Variants in AAK1 observed in about 807,000 individuals in gnomAD.
The protein encoded by AAK1 is AP2 associated kinase 1, also known as AP2-associated protein kinase 1.
Under a neutral mutation model 116.0 loss-of-function variants are expected in AAK1, and 37 were observed. The observed-to-expected ratio is 0.32, with a 90% CI of 0.25 to 0.42. AAK1 has a LOEUF of 0.42. AAK1 is among the 10% of genes least tolerant of loss of function. AAK1 has a pLI of 1.00. For synonymous variants in AAK1, 458 were observed against 439.9 expected, an observed-to-expected ratio of 1.04 and a Z score of -0.51; for missense variants, 919 against 1,170.6, an observed-to-expected ratio of 0.79 and a Z score of 3.14.
intron 16 of AAK1, chr2:69,500,161 T>A (rs1485843706): frequency 6.6e-6 from 1 of 152,206 alleles, no homozygotes; most frequent in East Asian, 1.9e-4. Flanking sequence ...CTGTAAACAG[T>A]CTGAGTTCAG....
At chr2:69,478,841 A>C in intron 20 of AAK1, 110 bp downstream of exon 20, 21 of 767,566 alleles carry the variant, frequency 2.7e-5, no homozygotes, top group Non-Finnish European at 4.0e-5. Flanking sequence ...ACAAGGAGGT[A>C]GTTTTAAAAC....
chr2:69,596,245 A>C (rs1165689902), intron 2 of AAK1, among the ~76,000 whole-genome samples: 1 of 150,342 alleles, frequency 6.7e-6, no homozygotes, highest in Non-Finnish European at 1.5e-5. Flanking sequence ...TTTTGAGACA[A>C]AGTCTCACTC....
In AAK1 at chr2:69,482,726, A is replaced by C. The variant is rs752834708; in HGVS notation, c.2452T>G (p.Ser818Ala). The C allele has an allele frequency of 6.2e-7, 1 of 1,610,570 alleles. No homozygotes were observed. The highest frequency in any genetic ancestry group is 1.1e-5 in the South Asian group (1 of 91,008). Residue 818 changes from serine (S) to alanine (A), a missense_variant, in exon 18 of 22, where the codon TCT becomes GCT. Ser to Ala is a moderately conservative substitution (Grantham distance 99). Transcript: ENST00000409085. Reference sequence around the variant, plus strand: ...ATGACTTTACCAATTACAGCATCAGAAGTGCTACCAAAAGGATCTGTCATA... The same window carrying C: ...ATGACTTTACCAATTACAGCATCAGCAGTGCTACCAAAAGGATCTGTCATA... ...LPMTDPFGST[S>A]DAVIEKADVA...
Position 69,532,096 on chromosome 2 carries a change from T to C in AAK1, c.601A>G (p.Lys201Glu). The change falls in exon 6 of 22, where the codon AAA (lysine) becomes GAA (glutamate). Residue 201 changes from lysine (K) to glutamate (E), a missense_variant. Transcript: ENST00000409085. ...CCCTCAGTTTGTGGATTCTGGAATT[T>C]GTTGGTGGCGCTTCCAAAGTCACAC... ...VLCDFGSATN[K>E]FQNPQTEGVN... 1 of 1,613,752 alleles carries C rather than the reference T, an allele frequency of 6.2e-7. No individual in the cohort carries two copies. Among genetic ancestry groups the C allele is most frequent in the Non-Finnish European group, 8.5e-7 (1 of 1,179,694 alleles).
intron 16 of AAK1, among the ~76,000 whole-genome samples, chr2:69,498,259 G>A (rs1057174673): frequency 6.6e-6 from 1 of 152,104 alleles, no homozygotes; most frequent in African/African-American, 2.4e-5. Context: ...ACAGGCTTGT[G>A]GAGGAGTCAA....
In AAK1 at chr2:69,500,664, A is replaced by AATATATATATATATAT. The variant is rs34635707; in HGVS notation, c.2270-4600_2270-4585dup. 3.2e-3 allele frequency among the ~76,000 whole-genome samples: 193 copies of AATATATATATATATAT among 60,768 alleles called. 4 individuals carry two copies. Among genetic ancestry groups the AATATATATATATATAT allele is most frequent in the East Asian group, 4.7e-3 (8 of 1,716 alleles). The allele number at this position is 60,768 out of a possible 152,430, so 39.9% of individuals were successfully genotyped here. A position where few individuals can be genotyped will look rare whatever the true frequency, so the allele number is the denominator to read the frequency against. On this transcript the variant is annotated intron_variant, in intron 16 of 21. Transcript: ENST00000409085. ...GTAGCTGTGCCTTTAAGTCCCTTAAAATATATATATATATATATATATATA... is the reference window on the plus strand; with the variant it reads ...GTAGCTGTGCCTTTAAGTCCCTTAAAATATATATATATATATATATATATATATATATATATATATA...
chr2:69,487,842 T>G (rs1201439926), intron 17 of AAK1, among the ~76,000 whole-genome samples: 3 of 147,670 alleles, frequency 2.0e-5, no homozygotes, highest in Non-Finnish European at 3.0e-5. Context: ...CAGGCTGGAG[T>G]GCAATGGCGC....
At chr2:69,634,231 A>AT (rs1370210065) in intron 2 of AAK1, among the ~76,000 whole-genome samples, 2 of 152,218 alleles carry the variant, frequency 1.3e-5, no homozygotes, top group Non-Finnish European at 2.9e-5. Context: ...TACAAGGAAG[A>AT]ATTTTAAGGA....
At chr2:69,566,299 T>C (rs1671864386) in intron 2 of AAK1, among the ~76,000 whole-genome samples, 1 of 152,180 alleles carries the variant, frequency 6.6e-6, no homozygotes, top group African/African-American at 2.4e-5. Flanking sequence ...ATGCAAAGCA[T>C]GTGTCAACAC....
At chr2:69,559,749 T>C (rs1253745747) in intron 2 of AAK1, among the ~76,000 whole-genome samples, 1 of 152,204 alleles carries the variant, frequency 6.6e-6, no homozygotes, top group Non-Finnish European at 1.5e-5. Context: ...CTTTAGGTAA[T>C]AAGGAAACAG....
intron 2 of AAK1, among the ~76,000 whole-genome samples, chr2:69,626,920 T>G (rs1486671802): frequency 1.3e-5 from 2 of 152,198 alleles, no homozygotes; most frequent in African/African-American, 4.8e-5. Context: ...AACTGGTTTC[T>G]ACTGAGCTCT....
rs1675860784 is a variant in AAK1, at chr2:69,643,652, G to C, written c.-312C>G. ...GGCCGCCGGGCCGGCCTGCGACGCA[G>C]AGAAGAGGCGGCGCTGCAGCGAGAG... On this transcript the variant is annotated 5_prime_UTR_variant, in exon 1 of 22. Coordinates refer to ENST00000409085, the MANE Select transcript of AAK1 (RefSeq NM_014911.5). 2 of 1,227,014 alleles carry C rather than the reference G, an allele frequency of 1.6e-6. No individual in the cohort carries two copies. Among genetic ancestry groups the C allele is most frequent in the Non-Finnish European group, 2.0e-6 (2 of 984,984 alleles). The allele number at this position is 1,227,014 out of a possible 1,614,324, so 76.0% of individuals were successfully genotyped here. A position where few individuals can be genotyped will look rare whatever the true frequency, so the allele number is the denominator to read the frequency against.
chr2:69,532,147 A>G lies in AAK1; in HGVS notation c.550T>C (p.Leu184=), dbSNP rs748682640. 6.8e-6 allele frequency: 11 copies of G among 1,613,544 alleles called. No individual in the cohort carries two copies. The highest frequency in any genetic ancestry group is 8.5e-6 in the Non-Finnish European group (10 of 1,179,558). ...HRDLKVENIL[L]HDRGHYVLCD... ...AGGACATAGTGGCCTCGGTCATGCA[A>G]GAGGATGTTTTCAACCTGAAAAACA... Residue 184 remains leucine (L), a synonymous_variant, in exon 6 of 22, where the codon TTG becomes CTG. Transcript: ENST00000409085.
At chr2:69,643,443 A>C (rs1573040840) in intron 1 of AAK1, 132 bp downstream of exon 1, 1 of 1,183,858 alleles carries the variant, frequency 8.4e-7, no homozygotes, top group Non-Finnish European at 1.1e-6. Flanking sequence ...AGAACCCGGG[A>C]CCCCCGAGCC....
chr2:69,631,495 C>T (rs998501164), intron 2 of AAK1, among the ~76,000 whole-genome samples: 8 of 152,176 alleles, frequency 5.3e-5, no homozygotes, highest in African/African-American at 1.9e-4. Context: ...AACAAAGCTT[C>T]AGTTGGCACT....
chr2:69,469,752 G>A lies in AAK1; in HGVS notation c.*6117C>T. On this transcript the variant is annotated 3_prime_UTR_variant, in exon 22 of 22. Coordinates refer to ENST00000409085, the MANE Select transcript of AAK1 (RefSeq NM_014911.5). ...CTGGATCATGCCTCTTTTTATTTTG[G>A]TTTCACACATAAAATTAAGCAAGAA... 1 of 985,310 alleles carries A rather than the reference G, an allele frequency of 1.0e-6. No homozygotes were observed. 61.0% of individuals were successfully genotyped at this position (985,310 alleles called of 1,614,324 possible). A position where few individuals can be genotyped will look rare whatever the true frequency, so the allele number is the denominator to read the frequency against.
intron 17 of AAK1, among the ~76,000 whole-genome samples, chr2:69,487,787 C>CTTT (rs1177565486): frequency 4.9e-5 from 6 of 122,800 alleles, no homozygotes; most frequent in Admixed American, 2.5e-4. Flanking sequence ...TGTTTGTTTG[C>CTTT]TTTTTTTTTT....
Position 69,461,734 on chromosome 2 carries a change from G to C in AAK1, c.*14135C>G. On this transcript the variant is annotated 3_prime_UTR_variant, in exon 22 of 22. Coordinates refer to ENST00000409085, the MANE Select transcript of AAK1 (RefSeq NM_014911.5). The stretch of plus-strand genomic sequence containing the variant: ...AGCCTCCCTAGTAACTGGGACTACA[G>C]GTGCGTGCCATCACGCCCAGCTACT... The C allele has an allele frequency of 2.8e-6, 1 of 357,550 alleles. No individual in the cohort carries two copies. The highest frequency in any genetic ancestry group is 5.5e-6 in the Non-Finnish European group (1 of 181,762). 22.1% of individuals were successfully genotyped at this position (357,550 alleles called of 1,614,324 possible).
chr2:69,568,277 G>A (rs1399873379), intron 2 of AAK1, among the ~76,000 whole-genome samples: 1 of 152,168 alleles, frequency 6.6e-6, no homozygotes, highest in Non-Finnish European at 1.5e-5. Context: ...ATGCTTCAAA[G>A]CTTACACAGT....
Sources: allele counts gnomAD v4.1 joint callset (sites outside exome capture counted in the v4.1 genomes callset), GRCh38; gene constraint gnomAD v4.1.1; transcripts MANE v1.5; gene names NCBI Gene and HGNC (gene_info 2026-07-23, HGNC 2026-07-21).